The following ADAM12 variants were observed in gnomAD, a reference collection of about 807,000 sequenced individuals.
ADAM12 encodes the protein disintegrin and metalloproteinase domain-containing protein 12.
Under a neutral mutation model 106.4 loss-of-function variants are expected in ADAM12, and 70 were observed. The observed-to-expected ratio is 0.66, with a 90% CI of 0.54 to 0.80. ADAM12 has a LOEUF of 0.80. Among genes scored for constraint, ADAM12 ranks in the 30% least tolerant of loss-of-function variants. ADAM12 has a pLI of 0.00. For missense variants in ADAM12, 1,010 were observed against 1,171.9 expected (o/e 0.86, Z 2.02); for synonymous variants, 420 against 433.5 (o/e 0.97, Z 0.39).
Position 126,345,971 on chromosome 10 carries a change from C to T in ADAM12, c.89-15462G>A, listed in dbSNP as rs190872577. On this transcript the variant is annotated intron_variant, in intron 1 of 22. Coordinates refer to ENST00000448723, the MANE Select transcript of ADAM12 (RefSeq NM_001288973.2). ...TTTGTTGATCCTTTCAAAAAGCCAG[C>T]TCCTGGATTCATTGATTTTTTGAAG... Among the ~76,000 whole-genome samples the T allele has an allele frequency of 2.1e-3, 320 of 152,274 alleles. 2 individuals are homozygous for T. Among genetic ancestry groups the T allele is most frequent in the African/African-American group, 7.3e-3 (303 of 41,552 alleles).
chr10:126,294,745 C>T (rs769220340), intron 2 of ADAM12, among the ~76,000 whole-genome samples: 5 of 152,142 alleles, frequency 3.3e-5, no homozygotes, highest in Non-Finnish European at 7.4e-5. Flanking sequence ...ACCAAAATTC[C>T]ATTATTTTCT....
chr10:126,304,713 C>T (rs527571544), intron 2 of ADAM12, among the ~76,000 whole-genome samples: 7 of 151,886 alleles, frequency 4.6e-5, no homozygotes, highest in Admixed American at 1.3e-4. Flanking sequence ...GCTACACAAT[C>T]GACTTGTATC....
At chr10:126,334,823 G>A (rs1224161586) in intron 1 of ADAM12, among the ~76,000 whole-genome samples, 3 of 152,188 alleles carry the variant, frequency 2.0e-5, no homozygotes, top group Non-Finnish European at 2.9e-5. Flanking sequence ...ACAAGAGGTG[G>A]AGACTGATGC....
intron 3 of ADAM12, among the ~76,000 whole-genome samples, chr10:126,254,904 A>C (rs1365207906): frequency 2.0e-5 from 3 of 152,194 alleles, no homozygotes; most frequent in Non-Finnish European, 4.4e-5. Context: ...AACCATAATT[A>C]AGACAATTAG....
intron 3 of ADAM12, among the ~76,000 whole-genome samples, chr10:126,240,873 T>A (rs746033694): frequency 1.3e-5 from 2 of 152,228 alleles, no homozygotes; most frequent in Non-Finnish European, 2.9e-5. Context: ...TTTTGCTGTA[T>A]CACTATCAGG....
chr10:126,269,835 C>T (rs112381843), intron 3 of ADAM12, among the ~76,000 whole-genome samples: 4,822 of 152,286 alleles, frequency 0.032, 261 homozygotes, highest in African/African-American at 0.11. Context: ...CACTCAAGGA[C>T]GCCACACTCT....
intron 5 of ADAM12, among the ~76,000 whole-genome samples, chr10:126,121,014 A>T (rs1388371918): frequency 8.7e-6 from 1 of 114,452 alleles, no homozygotes; most frequent in Non-Finnish European, 1.7e-5. Flanking sequence ...TATGCAATAT[A>T]ATATATATTA....
Position 126,379,432 on chromosome 10 carries a change from A to G in ADAM12, c.88+8626T>C, listed in dbSNP as rs1437009080. 2.6e-5 allele frequency among the ~76,000 whole-genome samples: 4 copies of G among 152,296 alleles called. No individual in the cohort carries two copies. In the East Asian group the frequency reaches 7.7e-4, roughly 29 times the overall value. On this transcript the variant is annotated intron_variant, in intron 1 of 22. Coordinates refer to ENST00000448723, the MANE Select transcript of ADAM12 (RefSeq NM_001288973.2). ...TGGAAACCATCATTTTCAGCAAACT[A>G]TCAGAAGAACAGAAAACCAAACACC... is the stretch of plus-strand genomic sequence containing the variant.
intron 3 of ADAM12, among the ~76,000 whole-genome samples, chr10:126,198,252 A>G (rs1957634225): frequency 6.6e-6 from 1 of 152,198 alleles, no homozygotes; most frequent in Non-Finnish European, 1.5e-5. Context: ...CAGTAGACAC[A>G]TTTCAAAGAC....
At position 126,253,623 on chromosome 10, in the gene ADAM12, C is replaced by G. The variant is rs192651667; in HGVS notation, c.260+25292G>C. Among the ~76,000 whole-genome samples, 234 of 151,914 alleles carry G rather than the reference C, an allele frequency of 1.5e-3. 1 individual carries two copies. The highest frequency in any genetic ancestry group is 5.1e-3 in the African/African-American group (211 of 41,220). On this transcript the variant is annotated intron_variant, in intron 3 of 22. Coordinates refer to ENST00000448723, the MANE Select transcript of ADAM12 (RefSeq NM_001288973.2). Reference sequence around the variant, plus strand: ...CTTGGGCTAAGAGGGGGAACACCCACCCCCCAGAGAAAACCCTGCTCCTCT... The same window carrying G: ...CTTGGGCTAAGAGGGGGAACACCCAGCCCCCAGAGAAAACCCTGCTCCTCT...
intron 2 of ADAM12, among the ~76,000 whole-genome samples, chr10:126,312,292 G>A (rs1257228308): frequency 2.6e-5 from 4 of 152,112 alleles, no homozygotes; most frequent in Non-Finnish European, 4.4e-5. Context: ...GATGGGTGCA[G>A]AGGGAACCCG....
intron 5 of ADAM12, among the ~76,000 whole-genome samples, chr10:126,120,578 G>T (rs187992740): frequency 2.2e-4 from 34 of 152,194 alleles, no homozygotes; most frequent in African/African-American, 8.2e-4. Flanking sequence ...AGGGACCAAG[G>T]TAATTTATTT....
intron 3 of ADAM12, among the ~76,000 whole-genome samples, chr10:126,234,980 C>G (rs1026859054): frequency 5.9e-5 from 9 of 152,214 alleles, no homozygotes; most frequent in African/African-American, 1.7e-4. Flanking sequence ...AGGTCTGATG[C>G]TGCAGGTGGG....
intron 3 of ADAM12, among the ~76,000 whole-genome samples, chr10:126,192,668 G>A (rs991319844): frequency 6.6e-6 from 1 of 152,142 alleles, no homozygotes; most frequent in African/African-American, 2.4e-5. Flanking sequence ...GATCCCCCTC[G>A]GGAATATTTT....
intron 11 of ADAM12, among the ~76,000 whole-genome samples, chr10:126,086,208 T>A (rs2133542793): frequency 6.6e-6 from 1 of 152,190 alleles, no homozygotes; most frequent in African/African-American, 2.4e-5. Flanking sequence ...CACAGGGACA[T>A]GGCTCTGTAC....
intron 4 of ADAM12, among the ~76,000 whole-genome samples, chr10:126,154,217 A>ATAACATCCC (rs1956775532): frequency 1.3e-5 from 2 of 152,232 alleles, no homozygotes; most frequent in South Asian, 4.1e-4. Flanking sequence ...GTGCTCAGGA[A>ATAACATCCC]TAACATCCCC....
At chr10:126,198,673 C>T (rs921330361) in intron 3 of ADAM12, among the ~76,000 whole-genome samples, 5 of 152,312 alleles carry the variant, frequency 3.3e-5, no homozygotes, top group African/African-American at 4.8e-5. Context: ...GTGCCTGGCA[C>T]GCATCCTTGC....
rs1953589086 is a variant in ADAM12 at position 126,012,598 on chromosome 10, A to T, written c.*4681T>A. ...ATAAAATTACTTTGCTGTTTACGTA[A>T]CTGTATCTTTAATCTGTACTGTGCT... is the stretch of plus-strand genomic sequence containing the variant. On this transcript the variant is annotated 3_prime_UTR_variant, in exon 23 of 23. Transcript: ENST00000448723. 1 of 152,204 alleles carries T rather than the reference A, an allele frequency of 6.6e-6. No individual in the cohort carries two copies. The highest frequency in any genetic ancestry group is 1.5e-5 in the Non-Finnish European group (1 of 68,038). 9.4% of individuals were successfully genotyped at this position (152,204 alleles called of 1,614,324 possible).
chr10:126,189,144 A>C (rs1278279458), intron 3 of ADAM12, among the ~76,000 whole-genome samples: 4 of 152,200 alleles, frequency 2.6e-5, no homozygotes, highest in African/African-American at 9.7e-5. Context: ...CCTGGACTTA[A>C]GGAATGAAGG....
Sources: allele counts gnomAD v4.1 joint callset (sites outside exome capture counted in the v4.1 genomes callset), GRCh38; gene constraint gnomAD v4.1.1; transcripts MANE v1.5; gene names NCBI Gene and HGNC (gene_info 2026-07-23, HGNC 2026-07-21).